The following AP1M1 variants were observed in gnomAD, a reference collection of about 807,000 sequenced individuals.
AP1M1 encodes adaptor related protein complex 1 subunit mu 1.
AP1M1 carries 18 observed loss-of-function variants against 57.1 expected under a neutral mutation model. That is an observed-to-expected ratio of 0.32 (90% CI 0.22 to 0.47). The LOEUF is 0.47. Ranked by LOEUF, AP1M1 falls within the 20% of genes least tolerant of loss-of-function variation. The pLI, the probability that AP1M1 is intolerant of heterozygous loss-of-function variation, is 1.00. For synonymous variants in AP1M1, 241 were observed against 237.9 expected (o/e 1.01, Z -0.12); for missense variants, 362 against 593.5 (o/e 0.61, Z 4.05).
At chr19:16,225,830 G>C (rs897773) in intron 5 of AP1M1, among the ~76,000 whole-genome samples, 83,356 of 151,938 alleles carry the variant, frequency 0.55, 25,918 homozygotes, top group Non-Finnish European at 0.71. Context: ...CATAAGCCCT[G>C]GGGGGTGAGG....
chr19:16,220,977 C>T (rs2091541709), intron 5 of AP1M1, among the ~76,000 whole-genome samples: 2 of 152,190 alleles, frequency 1.3e-5, no homozygotes, highest in African/African-American at 2.4e-5. Flanking sequence ...TTTTCTTTGC[C>T]TTTAGTTTCA....
At chr19:16,199,087 T>C (rs610330) in intron 1 of AP1M1, among the ~76,000 whole-genome samples, 126,590 of 152,186 alleles carry the variant, frequency 0.83, 52,759 homozygotes, top group East Asian at 0.96. Context: ...GGATTACAGG[T>C]GTGAGTCATG....
chr19:16,229,004 C>T, intron 9 of AP1M1, 76 bp downstream of exon 9: 1 of 1,527,214 alleles, frequency 6.5e-7, no homozygotes, highest in South Asian at 1.2e-5. Context: ...TCAGGACCCC[C>T]TGCACCTCAA....
In AP1M1 at chr19:16,227,478, G is replaced by A. The variant is rs557803910; in HGVS notation, c.674-70G>A. On this transcript the variant is annotated intron_variant, in intron 6 of 11. Transcript: ENST00000291439. This position sits in a 1 kb window ranked among gnomAD's most constrained non-coding sequence, Gnocchi z 6.2. ...CCTGCTCTGCCGGGGTGGGTTGCAG[G>A]TGGTAGGAGTACTGCTGAGATAGTG... 37 of 1,561,388 alleles carry A rather than the reference G, an allele frequency of 2.4e-5. No homozygotes were observed. In the Middle Eastern group the frequency reaches 6.8e-4, roughly 29 times the overall value.
At chr19:16,225,480 TCA>T (rs146970062) in intron 5 of AP1M1, among the ~76,000 whole-genome samples, 2,244 of 152,308 alleles carry the variant, frequency 0.015, 33 homozygotes, top group Middle Eastern at 0.065. Flanking sequence ...GCCTGTTTCC[TCA>T]CCTCTAAAAT....
chr19:16,207,273 C>T lies in AP1M1; in HGVS notation c.268-746C>T, dbSNP rs574653684. On this transcript the variant is annotated intron_variant, in intron 3 of 11. Transcript: ENST00000291439. This position sits in a 1 kb window ranked among gnomAD's most constrained non-coding sequence, Gnocchi z 4.2. Reference sequence around the variant, plus strand: ...GTTGGGGAACAGGGGCAAGCCTGGGCGGTGAGGGCTTGGGGAAGGAGCCGA... The same window carrying T: ...GTTGGGGAACAGGGGCAAGCCTGGGTGGTGAGGGCTTGGGGAAGGAGCCGA... Among the ~76,000 whole-genome samples, 420 of 152,152 alleles carry T rather than the reference C, an allele frequency of 2.8e-3. 1 individual carries two copies. The highest frequency in any genetic ancestry group is 6.8e-3 in the Middle Eastern group (2 of 294).
chr19:16,198,357 C>T (rs753719435), intron 1 of AP1M1: 132 of 213,956 alleles, frequency 6.2e-4, no homozygotes, highest in Non-Finnish European at 8.5e-4. Flanking sequence ...GCCGGGGGCT[C>T]GGGCCTCGGT....
Position 16,244,830 on chromosome 19 carries a change from C to T in AP1M1, c.*10395C>T, listed in dbSNP as rs1374460582. The T allele has an allele frequency of 2.0e-5, 3 of 149,058 alleles. No homozygotes were observed. The highest frequency in any genetic ancestry group is 5.0e-5 in the African/African-American group (2 of 40,282). The allele number at this position is 149,058 out of a possible 1,614,324, so 9.2% of individuals were successfully genotyped here. A position where few individuals can be genotyped will look rare whatever the true frequency, so the allele number is the denominator to read the frequency against. On this transcript the variant is annotated 3_prime_UTR_variant, in exon 12 of 12. Coordinates refer to ENST00000291439, the MANE Select transcript of AP1M1 (RefSeq NM_032493.4). ...CCGGCCTGGGCGACAGAGCGAGACT[C>T]CGTCTCAAAATAAATAAATAAATAA...
chr19:16,229,377 G>A (rs1247086459), intron 9 of AP1M1, among the ~76,000 whole-genome samples: 1 of 152,236 alleles, frequency 6.6e-6, no homozygotes, highest in Non-Finnish European at 1.5e-5. Flanking sequence ...CGCACCAGCC[G>A]CCCATGTCCT....
At chr19:16,220,196 A>G (rs1242728442) in intron 5 of AP1M1, among the ~76,000 whole-genome samples, 1 of 152,088 alleles carries the variant, frequency 6.6e-6, no homozygotes, top group Non-Finnish European at 1.5e-5. Flanking sequence ...GCTTTTAACT[A>G]TTAATTTCAA....
Position 16,206,215 on chromosome 19 carries a change from A to G in AP1M1, c.200-126A>G, listed in dbSNP as rs1232326337. On this transcript the variant is annotated intron_variant, in intron 2 of 11. Coordinates refer to ENST00000291439, the MANE Select transcript of AP1M1 (RefSeq NM_032493.4). This position sits in a 1 kb window ranked among gnomAD's most constrained non-coding sequence, Gnocchi z 4.3. ...TTGTAGCCCACCATGGGCCAAGTAA[A>G]CGGCTGGGAGTGGGGATAGGGAAGG... The G allele has an allele frequency of 1.0e-6, 1 of 954,394 alleles. No homozygotes were observed. The highest frequency in any genetic ancestry group is 1.6e-6 in the Non-Finnish European group (1 of 618,998). The allele number at this position is 954,394 out of a possible 1,614,324, so 59.1% of individuals were successfully genotyped here.
chr19:16,222,644 G>A (rs961928795), intron 5 of AP1M1, among the ~76,000 whole-genome samples: 2 of 152,016 alleles, frequency 1.3e-5, no homozygotes, highest in African/African-American at 2.4e-5. Context: ...GTCTTACTCT[G>A]TTGCCCAGGC....
In AP1M1 at chr19:16,198,042, G is replaced by A. The variant is rs1259051704; in HGVS notation, c.16G>A (p.Val6Ile). The change falls in exon 1 of 12, where the codon GTC becomes ATC. Residue 6 changes from valine to isoleucine, a missense_variant. Physicochemically the swap from Val to Ile is conservative, Grantham distance 29. Transcript: ENST00000291439. Reference protein sequence around the residue: MSASAVYVLDLKGKVL... With the variant: MSASAIYVLDLKGKVL... ...TGCAGCCATCATGTCCGCCAGCGCC[G>A]TCTACGTGCTGGACCTGAAGGGCAA... 1.3e-6 allele frequency: 2 copies of A among 1,553,104 alleles called. No individual in the cohort carries two copies. Among genetic ancestry groups the A allele is most frequent in the Non-Finnish European group, 1.7e-6 (2 of 1,161,204 alleles).
chr19:16,213,969 GTGTGGTTGCTTTATAGTGTTACT>G (rs1420119722), intron 5 of AP1M1, among the ~76,000 whole-genome samples: 4 of 151,896 alleles, frequency 2.6e-5, no homozygotes, highest in Non-Finnish European at 5.9e-5. Context: ...TGACTTGTTT[GTGTGGTTGCTTTATAGTGTTACT>G]TGTCTGTGTA....
rs966908550 is a variant in AP1M1, at chr19:16,236,798, C to T, written c.*2363C>T. 6 of 152,164 alleles carry T rather than the reference C, an allele frequency of 3.9e-5. No individual in the cohort carries two copies. Among genetic ancestry groups the T allele is most frequent in the African/African-American group, 9.7e-5 (4 of 41,426 alleles). 9.4% of individuals were successfully genotyped at this position (152,164 alleles called of 1,614,324 possible). The stretch of plus-strand genomic sequence containing the variant: ...GGGACCTAACTTCATGCCTTGTTAC[C>T]TAAGATCCTCGCACACAATAGACCC... On this transcript the variant is annotated 3_prime_UTR_variant, in exon 12 of 12. Coordinates refer to ENST00000291439, the MANE Select transcript of AP1M1 (RefSeq NM_032493.4).
In AP1M1 at chr19:16,203,401, G is replaced by C; in HGVS notation, c.43-58G>C. Reference sequence around the variant, plus strand: ...TGGTGCATCTCACCCCCTGCCCCAAGCCCCCAGATTGTAGAACTGAAAATG... The same window carrying C: ...TGGTGCATCTCACCCCCTGCCCCAACCCCCCAGATTGTAGAACTGAAAATG... On this transcript the variant is annotated intron_variant, in intron 1 of 11. Transcript: ENST00000291439. The surrounding 1 kb of genome is among the most constrained non-coding windows in gnomAD (Gnocchi z 4.6). 6.3e-7 allele frequency: 1 copy of C among 1,596,680 alleles called. No individual in the cohort carries two copies. Among genetic ancestry groups the C allele is most frequent in the Non-Finnish European group, 8.6e-7 (1 of 1,165,346 alleles).
intron 4 of AP1M1, 40 bp downstream of exon 4, chr19:16,208,189 G>A (rs374965031): frequency 4.2e-5 from 66 of 1,569,132 alleles, no homozygotes; most frequent in Middle Eastern, 1.7e-4. Context: ...AGGCCTGGGC[G>A]GTGTCATGAC....
chr19:16,245,486 G>A lies in AP1M1; in HGVS notation c.*11051G>A, dbSNP rs1165452828. ...TATAGAGTTGTGGTTTCACCATATT[G>A]GCCAAGCTGGTCTAGAACTCCTGGC... On this transcript the variant is annotated 3_prime_UTR_variant, in exon 12 of 12. Coordinates refer to ENST00000291439, the MANE Select transcript of AP1M1 (RefSeq NM_032493.4). 1 of 152,018 alleles carries A rather than the reference G, an allele frequency of 6.6e-6. No individual in the cohort carries two copies. Among genetic ancestry groups the A allele is most frequent in the Non-Finnish European group, 1.5e-5 (1 of 68,020 alleles). The allele number at this position is 152,018 out of a possible 1,614,324, so 9.4% of individuals were successfully genotyped here. A position where few individuals can be genotyped will look rare whatever the true frequency, so the allele number is the denominator to read the frequency against.
chr19:16,201,847 G>C (rs986472100), intron 1 of AP1M1, among the ~76,000 whole-genome samples: 1 of 152,196 alleles, frequency 6.6e-6, no homozygotes, highest in Admixed American at 6.5e-5. Flanking sequence ...CCAGGGCAGC[G>C]CAGGCAGAGA....
Sources: gnomAD v4.1 joint callset for allele counts (sites outside exome capture counted in the v4.1 genomes callset) on GRCh38, gnomAD v4.1.1 for gene constraint, Gnocchi (gnomAD v3.1) non-coding constraint, MANE v1.5 for transcripts, NCBI Gene and HGNC (gene_info 2026-07-23, HGNC 2026-07-21) for gene names.